FAM149A: variants seen among roughly 807,000 people sequenced by gnomAD.
FAM149A encodes the protein protein FAM149A.
A neutral mutation model predicts 78.2 loss-of-function variants in FAM149A; 71 were observed. The ratio of observed to expected loss-of-function variants is 0.91; its 90% CI spans 0.75 to 1.11. The LOEUF (loss-of-function observed/expected upper bound fraction) is 1.11. Among genes scored for constraint, FAM149A ranks in the 50% least tolerant of loss-of-function variants. The pLI, the probability that FAM149A is intolerant of heterozygous loss-of-function variation, is 0.00. For synonymous variants in FAM149A, 446 were observed against 410.5 expected, an observed-to-expected ratio of 1.09 and a Z score of -1.04; for missense variants, 1,036 against 971.0, an observed-to-expected ratio of 1.07 and a Z score of -0.89.
At chr4:186,171,575 C>A (rs185028532) in intron 13 of FAM149A, among the ~76,000 whole-genome samples, 1 of 151,976 alleles carries the variant, frequency 6.6e-6, no homozygotes, top group African/African-American at 2.4e-5. Context: ...AAGTACCTGG[C>A]ATTGCACCTG....
intron 1 of FAM149A, among the ~76,000 whole-genome samples, chr4:186,140,139 T>C (rs2099325193): frequency 6.6e-6 from 1 of 152,228 alleles, no homozygotes; most frequent in Admixed American, 6.5e-5. Context: ...GCTCACAGCA[T>C]TAAGTTATCA....
rs1180537921 is a variant in FAM149A, at chr4:186,154,455, T to A, written c.1059-13T>A. The A allele has an allele frequency of 6.3e-7, 1 of 1,595,256 alleles. No individual in the cohort carries two copies. Among genetic ancestry groups the A allele is most frequent in the South Asian group, 1.1e-5 (1 of 88,836 alleles). ...CTATAAACTCCCATGTAGAATCTGT[T>A]TTTTTCCCATAGGTTGTGCATTTCT... On this transcript the variant is annotated splice_polypyrimidine_tract_variant and intron_variant, in intron 5 of 13. Coordinates refer to ENST00000389354, the MANE Select transcript of FAM149A (RefSeq NM_001367768.3).
In FAM149A at chr4:186,172,353, A is replaced by G. The variant is rs536335207; in HGVS notation, c.*366A>G. The stretch of plus-strand genomic sequence containing the variant: ...ATTATCTAGGAATATGTCATTTGTA[A>G]CTTTGTACTCTGACGTATTTTCTAG... On this transcript the variant is annotated 3_prime_UTR_variant, in exon 14 of 14. Coordinates refer to ENST00000389354, the MANE Select transcript of FAM149A (RefSeq NM_001367768.3). 1.6e-5 allele frequency: 1 copy of G among 61,828 alleles called. No homozygotes were observed. The highest frequency in any genetic ancestry group is 4.3e-5 in the African/African-American group (1 of 23,328). 3.8% of individuals were successfully genotyped at this position (61,828 alleles called of 1,614,324 possible). A position where few individuals can be genotyped will look rare whatever the true frequency, so the allele number is the denominator to read the frequency against.
chr4:186,153,228 C>G (rs1330632823), intron 4 of FAM149A: 1 of 975,230 alleles, frequency 1.0e-6, no homozygotes, highest in East Asian at 1.1e-4. Context: ...GGTACATAAG[C>G]CAAGTGTGCA....
chr4:186,135,073 G>C (rs2099322166), intron 1 of FAM149A, among the ~76,000 whole-genome samples: 1 of 152,196 alleles, frequency 6.6e-6, no homozygotes, highest in Admixed American at 6.5e-5. Flanking sequence ...CTGCAGACTT[G>C]CTGCACCAGA....
intron 6 of FAM149A, 69 bp downstream of exon 6, chr4:186,154,707 G>C (rs1030961142): frequency 6.7e-7 from 1 of 1,486,696 alleles, no homozygotes; most frequent in Non-Finnish European, 9.0e-7. Context: ...TATTGTTATC[G>C]TATGCTCATT....
At chr4:186,128,280 C>T (rs1034231068) in intron 1 of FAM149A, among the ~76,000 whole-genome samples, 3 of 152,132 alleles carry the variant, frequency 2.0e-5, no homozygotes, top group East Asian at 1.9e-4. Flanking sequence ...TGAGTCACTG[C>T]GCCTGGCCAA....
rs757218081 is a variant in FAM149A, at chr4:186,163,590, A to T, written c.1846A>T (p.Thr616Ser). The stretch of plus-strand genomic sequence containing the variant: ...TGCTTCAGATTCACAGAGACTAAAA[A>T]CTCCCAACATCTATAGTGACGAAGT... Residue 616 changes from threonine (T) to serine (S), a missense_variant, in exon 10 of 14, where the codon ACT (threonine) becomes TCT (serine). Transcript: ENST00000389354. The T allele has an allele frequency of 2.5e-6, 4 of 1,613,722 alleles. No individual in the cohort carries two copies. The East Asian group carries it at 8.9e-5, about 36-fold the overall frequency.
chr4:186,155,015 T>C (rs1245582918), intron 6 of FAM149A: 1 of 884,248 alleles, frequency 1.1e-6, no homozygotes, highest in Non-Finnish European at 1.4e-6. Context: ...CAGGCTAGAG[T>C]GCAGCCGTGC....
chr4:186,118,102 A>C (rs1296115350), intron 1 of FAM149A: 1 of 985,324 alleles, frequency 1.0e-6, no homozygotes, highest in Non-Finnish European at 1.2e-6. Flanking sequence ...ATATGGCAGG[A>C]AGTTAAGGAC....
intron 8 of FAM149A, among the ~76,000 whole-genome samples, chr4:186,160,458 C>T (rs1038057404): frequency 1.4e-5 from 2 of 146,966 alleles, no homozygotes; most frequent in African/African-American, 5.1e-5. Context: ...CACAAACACA[C>T]CACACACCAT....
chr4:186,116,447 T>G (rs1004832202), intron 1 of FAM149A: 2 of 984,270 alleles, frequency 2.0e-6, no homozygotes, highest in Non-Finnish European at 1.2e-6. Context: ...ATTACAGTCA[T>G]ATGACCATTA....
Position 186,144,536 on chromosome 4 carries a change from CCTT to C in FAM149A, c.567-4631_567-4629del, listed in dbSNP as rs1223847027. 3 of 152,608 alleles carry C rather than the reference CCTT, an allele frequency of 2.0e-5. No homozygotes were observed. Among genetic ancestry groups the C allele is most frequent in the East Asian group, 1.9e-4 (1 of 5,156 alleles). 9.5% of individuals were successfully genotyped at this position (152,608 alleles called of 1,614,324 possible). On this transcript the variant is annotated intron_variant, in intron 1 of 13. Coordinates refer to ENST00000389354, the MANE Select transcript of FAM149A (RefSeq NM_001367768.3). This position sits in a 1 kb window ranked among gnomAD's most constrained non-coding sequence, Gnocchi z 4.2. ...GGCGAGATGGTCCTGTGGTTCTCTG[CCTT>C]CTTCTGGTGAATTAAAATCCGATTT...
At chr4:186,153,163 C>A in intron 4 of FAM149A, 2 of 661,166 alleles carry the variant, frequency 3.0e-6, no homozygotes, top group Non-Finnish European at 3.7e-6. Context: ...TTATTCTTGT[C>A]ACTGCTGTCT....
At chr4:186,134,491 G>C (rs1579830064) in intron 1 of FAM149A, among the ~76,000 whole-genome samples, 1 of 152,090 alleles carries the variant, frequency 6.6e-6, no homozygotes. Flanking sequence ...GGCAGCCTGA[G>C]TTCTCCTTTC....
Position 186,171,923 on chromosome 4 carries a change from A to G in FAM149A, c.2228A>G (p.Tyr743Cys), listed in dbSNP as rs1390118401. The G allele has an allele frequency of 3.1e-6, 5 of 1,607,086 alleles. No individual in the cohort carries two copies. Among genetic ancestry groups the G allele is most frequent in the Admixed American group, 3.4e-5 (2 of 58,396 alleles). Residue 743 changes from tyrosine (Y) to cysteine (C), a missense_variant, in exon 14 of 14, where the codon TAT becomes TGT. By Grantham distance (194) the Tyr-to-Cys change is radical (BLOSUM62 -2). This residue lies in a region of FAM149A where 716 missense variants were observed against 711.8 expected (regional missense o/e 1.01). Coordinates refer to ENST00000389354, the MANE Select transcript of FAM149A (RefSeq NM_001367768.3). Reference sequence around the variant, plus strand: ...TGCTTGGTGTTTCCAGGTTCACAATATGTGCCTAAATCTTTTCAGAGGACA... The same window carrying G: ...TGCTTGGTGTTTCCAGGTTCACAATGTGTGCCTAAATCTTTTCAGAGGACA...
chr4:186,127,196 C>T (rs1715065), intron 1 of FAM149A: 972,278 of 973,796 alleles, frequency 1, 485,400 homozygotes, highest in East Asian at 1. Flanking sequence ...TAGCATCACA[C>T]TGGGAGTTTG....
intron 1 of FAM149A, among the ~76,000 whole-genome samples, chr4:186,137,016 CTCT>C (rs2099323633): frequency 8.0e-6 from 1 of 124,338 alleles, no homozygotes; most frequent in African/African-American, 3.0e-5. Flanking sequence ...CTCTCTCTCT[CTCT>C]AAGTGCTTAA....
chr4:186,163,437 G>T lies in FAM149A; in HGVS notation c.1693G>T (p.Asp565Tyr), dbSNP rs1159534674. ...TTTCCTTCCCAGGAATGAGAAGGAG[G>T]ACAAAGCATCGGGTGGAGGGGCAGG... The change falls in exon 10 of 14, where the codon GAC becomes TAC. Residue 565 changes from aspartate (D) to tyrosine (Y), a missense_variant. Around this residue, in one of 3 missense-constraint regions of FAM149A, gnomAD observed 716 missense variants for 711.8 expected, o/e 1.01. Transcript: ENST00000389354. The T allele has an allele frequency of 4.3e-6, 7 of 1,613,412 alleles. No homozygotes were observed. In the East Asian group the frequency reaches 1.1e-4, roughly 26 times the overall value.
Sources: allele counts gnomAD v4.1 joint callset (sites outside exome capture counted in the v4.1 genomes callset), GRCh38; gene constraint gnomAD v4.1.1; regional missense constraint gnomAD v4.1.1; non-coding constraint Gnocchi (gnomAD v3.1); transcripts MANE v1.5; gene names NCBI Gene and HGNC (gene_info 2026-07-23, HGNC 2026-07-21).